Variants in INSL6 observed in about 807,000 individuals in gnomAD.
INSL6 encodes the protein insulin like 6.
A neutral mutation model predicts 9.4 loss-of-function variants in INSL6; 16 were observed. That is an observed-to-expected ratio of 1.70 (90% CI 1.15 to 2.59). The LOEUF (loss-of-function observed/expected upper bound fraction) is 2.59, where lower values mean the gene tolerates loss of function less well. INSL6 is among the 30% of genes most tolerant of loss of function. INSL6 has a pLI of 0.00. For synonymous variants in INSL6, 154 were observed against 96.9 expected, an observed-to-expected ratio of 1.59 and a Z score of -3.46; for missense variants, 391 against 257.3, an observed-to-expected ratio of 1.52 and a Z score of -3.56.
the INSL6 span, among the ~76,000 whole-genome samples, chr9:5,033,675 C>T: frequency 6.6e-6 from 1 of 152,156 alleles, no homozygotes; most frequent in Non-Finnish European, 1.5e-5. Flanking sequence ...AAATCCTTTA[C>T]AGACAAGCAA....
chr9:5,163,349 G>A (rs538903331), downstream of INSL6, among the ~76,000 whole-genome samples: 21 of 152,310 alleles, frequency 1.4e-4, no homozygotes, highest in Non-Finnish European at 2.6e-4. Context: ...GTATCTTGGA[G>A]AGATTTTAGT....
the INSL6 span, among the ~76,000 whole-genome samples, chr9:4,999,059 T>G: frequency 6.6e-6 from 1 of 152,044 alleles, no homozygotes; most frequent in Non-Finnish European, 1.5e-5. Context: ...TCTCCTGACC[T>G]TGTGATCCAC....
At chr9:5,057,884 C>G in the INSL6 span, among the ~76,000 whole-genome samples, 11,742 of 151,996 alleles carry the variant, frequency 0.077, 1,330 homozygotes, top group African/African-American at 0.25. Context: ...CCCAGCCCCT[C>G]TACTTTCTTA....
chr9:5,064,943 T>C, the INSL6 span: 3 of 1,605,486 alleles, frequency 1.9e-6, no homozygotes, highest in African/African-American at 4.0e-5. Flanking sequence ...TGATGGATAT[T>C]ATAGATTAAC....
chr9:5,067,655 A>T, the INSL6 span, among the ~76,000 whole-genome samples: 146 of 151,568 alleles, frequency 9.6e-4, 1 homozygote, highest in East Asian at 0.017. Flanking sequence ...AATTCAAAAA[A>T]ATATATATAT....
the INSL6 span, among the ~76,000 whole-genome samples, chr9:5,087,504 A>G: frequency 6.6e-6 from 1 of 152,186 alleles, no homozygotes; most frequent in Non-Finnish European, 1.5e-5. Flanking sequence ...TCCTGGTCCT[A>G]TCTCAAACCC....
At chr9:5,167,394 C>G (rs1336737083) in intron 1 of INSL6, among the ~76,000 whole-genome samples, 1 of 152,250 alleles carries the variant, frequency 6.6e-6, no homozygotes, top group Non-Finnish European at 1.5e-5. Flanking sequence ...GAAGAGGCAG[C>G]TGCCATTACT....
chr9:5,064,683 G>A, the INSL6 span, among the ~76,000 whole-genome samples: 1 of 152,156 alleles, frequency 6.6e-6, no homozygotes, highest in Non-Finnish European at 1.5e-5. Flanking sequence ...ACTATAACTG[G>A]GAAGGTATGA....
the INSL6 span, chr9:5,097,205 C>T: frequency 6.6e-6 from 1 of 152,160 alleles, no homozygotes; most frequent in African/African-American, 2.4e-5. Flanking sequence ...ATCAAACACC[C>T]CTTTTCGTCC....
the INSL6 span, among the ~76,000 whole-genome samples, chr9:4,999,700 T>C: frequency 6.6e-6 from 1 of 152,048 alleles, no homozygotes; most frequent in African/African-American, 2.4e-5. Flanking sequence ...CCACCCATCT[T>C]GGCCTCCCAA....
At chr9:5,021,716 C>T in the INSL6 span, among the ~76,000 whole-genome samples, 1 of 152,140 alleles carries the variant, frequency 6.6e-6, no homozygotes, top group Non-Finnish European at 1.5e-5. Flanking sequence ...GCCTCATCCT[C>T]CCAGGTTCAA....
chr9:4,994,008 C>T, the INSL6 span, among the ~76,000 whole-genome samples: 882 of 152,260 alleles, frequency 5.8e-3, 9 homozygotes, highest in African/African-American at 0.02. Context: ...TTGGTTCCCA[C>T]CTTGTGCCTT....
In INSL6 at chr9:5,185,301, T is replaced by C; in HGVS notation, c.289+13A>G. 6.2e-7 allele frequency: 1 copy of C among 1,613,882 alleles called. No individual in the cohort carries two copies. The highest frequency in any genetic ancestry group is 8.5e-7 in the Non-Finnish European group (1 of 1,179,946). On this transcript the variant is annotated intron_variant, in intron 1 of 1. Coordinates refer to ENST00000381641, the MANE Select transcript of INSL6 (RefSeq NM_007179.3). ...CAGAGGTGAACAAACATGCCTTCGG[T>C]TTCGATTTTTACCTGGGTTTGTGCC... is the stretch of plus-strand genomic sequence containing the variant.
the INSL6 span, among the ~76,000 whole-genome samples, chr9:4,999,576 C>G: frequency 6.6e-6 from 1 of 152,126 alleles, no homozygotes; most frequent in Non-Finnish European, 1.5e-5. Context: ...TAAATGATCA[C>G]AAGGTCCCAC....
chr9:5,041,217 T>TG, the INSL6 span: 53 of 1,467,522 alleles, frequency 3.6e-5, 2 homozygotes, highest in South Asian at 4.8e-4. Context: ...AACTTCCTGG[T>TG]GGGGCGCCCG....
At chr9:5,076,596 A>G in the INSL6 span, among the ~76,000 whole-genome samples, 1 of 152,182 alleles carries the variant, frequency 6.6e-6, no homozygotes, top group African/African-American at 2.4e-5. Context: ...CAAGTTTTAT[A>G]TGCATTGGGA....
the INSL6 span, among the ~76,000 whole-genome samples, chr9:5,025,729 G>A: frequency 1.3e-5 from 2 of 151,904 alleles, no homozygotes; most frequent in African/African-American, 4.8e-5. Flanking sequence ...GACGGGGTTT[G>A]CCATGTTGGC....
chr9:5,077,544 A>T, the INSL6 span: 1 of 1,493,488 alleles, frequency 6.7e-7, no homozygotes, highest in Admixed American at 2.2e-5. Flanking sequence ...GGAAACTTGA[A>T]GTTGCTAAAC....
intron 2 of INSL6, among the ~76,000 whole-genome samples, chr9:5,151,103 T>C (rs1196966793): frequency 2.0e-5 from 3 of 151,500 alleles, no homozygotes; most frequent in Non-Finnish European, 4.4e-5. Context: ...GGGGTGGAGG[T>C]GGATGATGAG....
Sources: gnomAD v4.1 joint callset for allele counts (sites outside exome capture counted in the v4.1 genomes callset) on GRCh38, gnomAD v4.1.1 for gene constraint, MANE v1.5 for transcripts, NCBI Gene and HGNC (gene_info 2026-07-23, HGNC 2026-07-21) for gene names.